The following KCNIP4 variants were observed in gnomAD, a reference collection of about 807,000 sequenced individuals.
KCNIP4 encodes the protein Kv channel-interacting protein 4.
A neutral mutation model predicts 34.0 loss-of-function variants in KCNIP4; 12 were observed. The observed-to-expected ratio is 0.35, with a 90% CI of 0.23 to 0.57. The LOEUF (loss-of-function observed/expected upper bound fraction) is 0.57, where lower values mean the gene tolerates loss of function less well. KCNIP4 is among the 20% of genes least tolerant of loss of function. The probability of loss-of-function intolerance (pLI) is 0.83; values close to 1 mark genes in which losing one functional copy is unlikely to be tolerated. For synonymous variants in KCNIP4, 124 were observed against 102.2 expected, an observed-to-expected ratio of 1.21 and a Z score of -1.29; for missense variants, 238 against 311.7, an observed-to-expected ratio of 0.76 and a Z score of 1.78.
chr4:21,817,888 C>T (rs1195188751), intron 1 of KCNIP4, among the ~76,000 whole-genome samples: 3 of 152,072 alleles, frequency 2.0e-5, no homozygotes, highest in African/African-American at 7.2e-5. Context: ...TCTGCTTTTG[C>T]CCTTTGCCCT....
chr4:20,758,623 C>A (rs991650261), intron 4 of KCNIP4, among the ~76,000 whole-genome samples, 198 bp downstream of exon 4: 94 of 152,280 alleles, frequency 6.2e-4, no homozygotes, highest in African/African-American at 1.7e-3. Context: ...AACTAAAGAG[C>A]AGCCTCTTGG....
intron 1 of KCNIP4, among the ~76,000 whole-genome samples, chr4:21,104,315 G>C (rs1244770855): frequency 6.6e-6 from 1 of 152,024 alleles, no homozygotes; most frequent in Non-Finnish European, 1.5e-5. Context: ...ATCTCATTGT[G>C]GTTTTGATTT....
intron 1 of KCNIP4, among the ~76,000 whole-genome samples, chr4:20,978,045 C>A (rs891423183): frequency 2.0e-5 from 3 of 152,158 alleles, no homozygotes; most frequent in Admixed American, 6.5e-5. Context: ...GGCAATAAAT[C>A]TAAACGTTTT....
rs564493240 is a variant in KCNIP4 at position 21,328,093 on chromosome 4, C to CT, written c.62-445385dup. Among the ~76,000 whole-genome samples the CT allele has an allele frequency of 7.8e-4, 118 of 151,942 alleles. 1 individual carries two copies. The South Asian group carries it at 0.011, about 15-fold the overall frequency. On this transcript the variant is annotated intron_variant, in intron 1 of 8. Coordinates refer to ENST00000382152, the MANE Select transcript of KCNIP4 (RefSeq NM_025221.6). ...AGTTCGTTTAGTGAAGTCATGTTTT[C>CT]TTTTATGGTCTTGATTCTTATGGGT...
At position 21,462,114 on chromosome 4, in the gene KCNIP4, C is replaced by G. The variant is rs185565008; in HGVS notation, c.61+486457G>C. 3.0e-3 allele frequency among the ~76,000 whole-genome samples: 458 copies of G among 152,056 alleles called. 2 individuals are homozygous for G. The highest frequency in any genetic ancestry group is 0.01 in the African/African-American group (425 of 41,466). On this transcript the variant is annotated intron_variant, in intron 1 of 8. Coordinates refer to ENST00000382152, the MANE Select transcript of KCNIP4 (RefSeq NM_025221.6). ...ATACATTCTTATTAACTATAATCAC[C>G]CTACTGTGCAATAGAACACCAGATC...
At chr4:21,291,151 C>G (rs1249680145) in intron 1 of KCNIP4, among the ~76,000 whole-genome samples, 3 of 152,156 alleles carry the variant, frequency 2.0e-5, no homozygotes, top group African/African-American at 7.2e-5. Flanking sequence ...GTCCCTCCTT[C>G]TGCCTCTGTA....
At chr4:20,963,712 A>C (rs1047589343) in intron 1 of KCNIP4, among the ~76,000 whole-genome samples, 2 of 152,154 alleles carry the variant, frequency 1.3e-5, no homozygotes, top group African/African-American at 4.8e-5. Context: ...GGCACTAGAC[A>C]TGATTTTAAG....
At chr4:21,554,690 G>T (rs1258853135) in intron 1 of KCNIP4, among the ~76,000 whole-genome samples, 1 of 151,952 alleles carries the variant, frequency 6.6e-6, no homozygotes, top group African/African-American at 2.4e-5. Context: ...CCTGGTTTGT[G>T]TCACGTCCCC....
chr4:21,006,141 C>T (rs768079837), intron 1 of KCNIP4, among the ~76,000 whole-genome samples: 1 of 152,118 alleles, frequency 6.6e-6, no homozygotes, highest in African/African-American at 2.4e-5. Flanking sequence ...TGGTTAAGAG[C>T]AAATCTTTGC....
intron 5 of KCNIP4, among the ~76,000 whole-genome samples, chr4:20,741,836 G>A (rs1350777757): frequency 1.3e-5 from 2 of 148,202 alleles, no homozygotes; most frequent in Non-Finnish European, 3.1e-5. Flanking sequence ...GGCTAATAAA[G>A]AAGAAAAGAG....
chr4:21,340,896 T>C (rs1283115935), intron 1 of KCNIP4, among the ~76,000 whole-genome samples: 2 of 152,116 alleles, frequency 1.3e-5, no homozygotes, highest in African/African-American at 2.4e-5. Context: ...GATAAAAGGC[T>C]CTGTAATTTG....
chr4:21,299,892 G>A (rs954483420), intron 1 of KCNIP4, among the ~76,000 whole-genome samples: 2 of 152,166 alleles, frequency 1.3e-5, no homozygotes, highest in Admixed American at 6.5e-5. Context: ...CTTGGGGGAA[G>A]CTTGTATTAC....
chr4:21,115,717 A>G (rs1749621210), intron 1 of KCNIP4, among the ~76,000 whole-genome samples: 1 of 152,172 alleles, frequency 6.6e-6, no homozygotes, highest in African/African-American at 2.4e-5. Flanking sequence ...TAAATGGGGA[A>G]CCAAAAAGAA....
At chr4:20,922,855 T>C (rs1729539965) in intron 1 of KCNIP4, among the ~76,000 whole-genome samples, 1 of 152,170 alleles carries the variant, frequency 6.6e-6, no homozygotes, top group African/African-American at 2.4e-5. Context: ...TTTATAGAAT[T>C]TATTTTTCAA....
At chr4:21,574,243 A>T (rs1439309568) in intron 1 of KCNIP4, among the ~76,000 whole-genome samples, 3 of 152,146 alleles carry the variant, frequency 2.0e-5, no homozygotes, top group Non-Finnish European at 4.4e-5. Context: ...TGTACCTGAA[A>T]TTTACAATTT....
At chr4:21,357,360 A>G (rs1191056808) in intron 1 of KCNIP4, among the ~76,000 whole-genome samples, 1 of 152,174 alleles carries the variant, frequency 6.6e-6, no homozygotes, top group African/African-American at 2.4e-5. Context: ...AAAAGAAACT[A>G]CCATCAGAGT....
At chr4:21,242,671 G>A (rs1759921943) in intron 1 of KCNIP4, among the ~76,000 whole-genome samples, 1 of 152,044 alleles carries the variant, frequency 6.6e-6, no homozygotes, top group African/African-American at 2.4e-5. Flanking sequence ...TTCCTAGCTG[G>A]GAAATTGTTC....
intron 1 of KCNIP4, among the ~76,000 whole-genome samples, chr4:21,283,847 C>T (rs1762936638): frequency 6.6e-6 from 1 of 151,500 alleles, no homozygotes; most frequent in South Asian, 2.1e-4. Flanking sequence ...AAGACACACA[C>T]ACAAAAAAAA....
At chr4:20,761,630 T>A (rs971913110) in intron 3 of KCNIP4, among the ~76,000 whole-genome samples, 4 of 152,160 alleles carry the variant, frequency 2.6e-5, no homozygotes, top group Non-Finnish European at 5.9e-5. Context: ...TAAAAGTTGA[T>A]GCTGATAAAG....
Sources: gnomAD v4.1 joint callset for allele counts (sites outside exome capture counted in the v4.1 genomes callset) on GRCh38, gnomAD v4.1.1 for gene constraint, MANE v1.5 for transcripts, NCBI Gene and HGNC (gene_info 2026-07-23, HGNC 2026-07-21) for gene names.